Variants in PDPR observed in about 807,000 individuals in gnomAD.
The protein encoded by PDPR is pyruvate dehydrogenase phosphatase regulatory subunit, mitochondrial.
Under a neutral mutation model 102.2 loss-of-function variants are expected in PDPR, and 50 were observed. That is an observed-to-expected ratio of 0.49 (90% confidence interval 0.39 to 0.62). The LOEUF (loss-of-function observed/expected upper bound fraction) is 0.62, where lower values mean the gene tolerates loss of function less well. PDPR is among the 20% of genes least tolerant of loss of function. The pLI, the probability that PDPR is intolerant of heterozygous loss-of-function variation, is 0.00. For missense variants in PDPR, 625 were observed against 1,098.2 expected, an observed-to-expected ratio of 0.57 and a Z score of 6.09; for synonymous variants, 259 against 406.0, an observed-to-expected ratio of 0.64 and a Z score of 4.35.
chr16:70,123,900 A>G (rs943910002), intron 3 of PDPR, among the ~76,000 whole-genome samples: 14 of 152,338 alleles, frequency 9.2e-5, no homozygotes, highest in African/African-American at 3.4e-4. Context: ...TAAAAAATAC[A>G]GAAATTAACT....
chr16:70,121,095 T>G (rs1241303556), intron 3 of PDPR, among the ~76,000 whole-genome samples: 1 of 152,014 alleles, frequency 6.6e-6, no homozygotes, highest in Non-Finnish European at 1.5e-5. Flanking sequence ...CAGCAACATT[T>G]TAGACTTTGA....
intron 18 of PDPR, among the ~76,000 whole-genome samples, chr16:70,153,834 C>T (rs554465338): frequency 6.6e-5 from 10 of 152,222 alleles, no homozygotes; most frequent in African/African-American, 2.2e-4. Flanking sequence ...CACCTGAGGT[C>T]AGGAGTTCGA....
intron 16 of PDPR, among the ~76,000 whole-genome samples, chr16:70,147,928 T>G (rs1418396933): frequency 6.6e-6 from 1 of 152,244 alleles, no homozygotes; most frequent in Non-Finnish European, 1.5e-5. Context: ...GACTTTCCAC[T>G]TTCCTTTATA....
At position 70,161,985 on chromosome 16, in the gene PDPR, CTG is replaced by C. The variant is rs1339955221; in HGVS notation, c.*5107_*5108del. 3.9e-5 allele frequency: 6 copies of C among 152,368 alleles called. No homozygotes were observed. The highest frequency in any genetic ancestry group is 3.3e-4 in the Admixed American group (5 of 15,276). The allele number at this position is 152,368 out of a possible 1,614,324, so 9.4% of individuals were successfully genotyped here. A position where few individuals can be genotyped will look rare whatever the true frequency, so the allele number is the denominator to read the frequency against. Reference sequence around the variant, plus strand: ...CAGAATTTCCTTTGCACACCAAGAACTGGAGCTTAGAGCCCCACTATTCTCTA... The same window carrying C: ...CAGAATTTCCTTTGCACACCAAGAACGAGCTTAGAGCCCCACTATTCTCTA... On this transcript the variant is annotated 3_prime_UTR_variant, in exon 19 of 19. Transcript: ENST00000288050.
At position 70,156,251 on chromosome 16, in the gene PDPR, A is replaced by G. The variant is rs1967170366; in HGVS notation, c.2236-224A>G. On this transcript the variant is annotated intron_variant, in intron 18 of 18. Transcript: ENST00000288050. Reference sequence around the variant, plus strand: ...TTATGTTTATAAAATAGGAAACAAAATGCGTACCTCTGTTGTTACAAAAAT... The same window carrying G: ...TTATGTTTATAAAATAGGAAACAAAGTGCGTACCTCTGTTGTTACAAAAAT... 4 of 582,492 alleles carry G rather than the reference A, an allele frequency of 6.9e-6. No homozygotes were observed. In the South Asian group the frequency reaches 7.6e-5, roughly 11 times the overall value. 36.1% of individuals were successfully genotyped at this position (582,492 alleles called of 1,614,324 possible). A position where few individuals can be genotyped will look rare whatever the true frequency, so the allele number is the denominator to read the frequency against.
chr16:70,163,129 G>A (rs146559329), downstream of PDPR, among the ~76,000 whole-genome samples: 287 of 151,342 alleles, frequency 1.9e-3, no homozygotes, highest in Non-Finnish European at 6.2e-4. Context: ...TTGTATTTTC[G>A]TAGAGACGGG....
rs375887072 is a variant in PDPR, at chr16:70,156,679, C to T, written c.2440C>T (p.Leu814=). Residue 814 remains leucine, a synonymous_variant, in exon 19 of 19, where the codon CTG becomes TTG. Coordinates refer to ENST00000288050, the MANE Select transcript of PDPR (RefSeq NM_017990.5). Reference sequence around the variant, plus strand: ...CTACAGCCTGGAGCGCCACGTTTGCCTGGGCTTTGTGCACAATTTTTCTGA... The same window carrying T: ...CTACAGCCTGGAGCGCCACGTTTGCTTGGGCTTTGTGCACAATTTTTCTGA... ...YSYSLERHVC[L]GFVHNFSEDT... is the part of the protein sequence containing the mutation. 33 of 1,613,986 alleles carry T rather than the reference C, an allele frequency of 2.0e-5. No individual in the cohort carries two copies. The African/African-American group carries it at 2.8e-4, about 14-fold the overall frequency.
intron 17 of PDPR, among the ~76,000 whole-genome samples, chr16:70,152,823 C>T (rs1300857728): frequency 6.6e-6 from 1 of 152,276 alleles, no homozygotes; most frequent in African/African-American, 2.4e-5. Context: ...GTTTCTGAAA[C>T]CAAGAAAAGA....
At chr16:70,135,214 C>T (rs538251585) in intron 9 of PDPR, among the ~76,000 whole-genome samples, 1 of 150,788 alleles carries the variant, frequency 6.6e-6, no homozygotes, top group Non-Finnish European at 1.5e-5. Flanking sequence ...TCTTTTGCAG[C>T]TATTCCAATG....
chr16:70,133,632 G>A (rs1964788397), intron 9 of PDPR, among the ~76,000 whole-genome samples: 1 of 152,126 alleles, frequency 6.6e-6, no homozygotes, highest in Non-Finnish European at 1.5e-5. Flanking sequence ...TGGCCAGGCT[G>A]GTCTTGAAAT....
At position 70,131,230 on chromosome 16, in the gene PDPR, T is replaced by C. The variant is rs1964504865; in HGVS notation, c.730-72T>C. On this transcript the variant is annotated intron_variant, in intron 7 of 18. Transcript: ENST00000288050. The stretch of plus-strand genomic sequence containing the variant: ...ACACATAAGCCACTTGGAATTAATC[T>C]CAAGAGGCTGAACTTGCTCATTTTT... 3 of 1,064,102 alleles carry C rather than the reference T, an allele frequency of 2.8e-6. No individual in the cohort carries two copies. In the South Asian group the frequency reaches 4.1e-5, roughly 15 times the overall value. 65.9% of individuals were successfully genotyped at this position (1,064,102 alleles called of 1,614,324 possible). A position where few individuals can be genotyped will look rare whatever the true frequency, so the allele number is the denominator to read the frequency against.
At chr16:70,140,573 T>C (rs13380468) in intron 11 of PDPR, among the ~76,000 whole-genome samples, 317 of 151,750 alleles carry the variant, frequency 2.1e-3, no homozygotes, top group African/African-American at 7.5e-3. Context: ...AATCCCAGCA[T>C]GTTGGGAGGC....
rs180909176 is a variant in PDPR at position 70,145,286 on chromosome 16, C to T, written c.1867+753C>T. Among the ~76,000 whole-genome samples, 15 of 152,342 alleles carry T rather than the reference C, an allele frequency of 9.8e-5. No individual in the cohort carries two copies. In the East Asian group the frequency reaches 1.9e-3, roughly 20 times the overall value. ...CCAAGTAGCTGGGATTATAGGCGCC[C>T]GCCACCACGCCGGGCTAATTTCTGT... On this transcript the variant is annotated intron_variant, in intron 15 of 18. Coordinates refer to ENST00000288050, the MANE Select transcript of PDPR (RefSeq NM_017990.5).
rs1967753725 is a variant in PDPR, at chr16:70,161,224, T to C, written c.*4345T>C. 1 of 149,502 alleles carries C rather than the reference T, an allele frequency of 6.7e-6. No homozygotes were observed. Among genetic ancestry groups the C allele is most frequent in the Non-Finnish European group, 1.5e-5 (1 of 68,408 alleles). 9.3% of individuals were successfully genotyped at this position (149,502 alleles called of 1,614,324 possible). A position where few individuals can be genotyped will look rare whatever the true frequency, so the allele number is the denominator to read the frequency against. On this transcript the variant is annotated 3_prime_UTR_variant, in exon 19 of 19. Transcript: ENST00000288050. ...TGAACCCAGGAGGCAGAGGTTGCAGTGAGCTGAGATTGCACCACTGCACTC... is the reference window on the plus strand; with the variant it reads ...TGAACCCAGGAGGCAGAGGTTGCAGCGAGCTGAGATTGCACCACTGCACTC...
rs1967232862 is a variant in PDPR, at chr16:70,156,604, A to G, written c.2365A>G (p.Ile789Val). The G allele has an allele frequency of 3.1e-6, 5 of 1,614,080 alleles. No individual in the cohort carries two copies. The highest frequency in any genetic ancestry group is 3.4e-6 in the Non-Finnish European group (4 of 1,179,904). ...CCTTTGGCCTTGGTGGGGAGAGCCC[A>G]TTTACCGGAATGGGCAGTATGTTGG... Reference protein sequence around the residue: ...LDLWPWWGEPIYRNGQYVGKT... With the variant: ...LDLWPWWGEPVYRNGQYVGKT... Residue 789 changes from isoleucine (I) to valine (V), a missense_variant, in exon 19 of 19, where the codon ATT becomes GTT. Around this residue, in one of 11 missense-constraint regions of PDPR, gnomAD observed 303 missense variants for 258.9 expected, o/e 1.17. Transcript: ENST00000288050.
intron 3 of PDPR, among the ~76,000 whole-genome samples, chr16:70,123,022 T>A (rs1252360647): frequency 2.0e-5 from 3 of 152,234 alleles, no homozygotes; most frequent in Admixed American, 6.5e-5. Context: ...TGCCCCAGGC[T>A]CCCAAGTAGC....
At chr16:70,130,788 G>C (rs1567532882) in intron 7 of PDPR, among the ~76,000 whole-genome samples, 1 of 152,292 alleles carries the variant, frequency 6.6e-6, no homozygotes, top group Non-Finnish European at 1.5e-5. Flanking sequence ...AAATGGTCAG[G>C]CATTGACGTG....
At chr16:70,116,150 C>T (rs1962615206) in intron 2 of PDPR, among the ~76,000 whole-genome samples, 2 of 147,730 alleles carry the variant, frequency 1.4e-5, no homozygotes, top group Admixed American at 6.9e-5. Context: ...CGAATCTGCC[C>T]ACTGCAGCCT....
intron 2 of PDPR, chr16:70,120,010 G>C (rs1378435345): frequency 6.4e-6 from 1 of 155,588 alleles, no homozygotes; most frequent in Non-Finnish European, 1.4e-5. Flanking sequence ...TCCGCCTCCC[G>C]GGTTCAAGCA....
Sources: gnomAD v4.1 joint callset for allele counts (sites outside exome capture counted in the v4.1 genomes callset) on GRCh38, gnomAD v4.1.1 for gene constraint, gnomAD v4.1.1 regional missense constraint, MANE v1.5 for transcripts, NCBI Gene and HGNC (gene_info 2026-07-23, HGNC 2026-07-21) for gene names.